PAN3: variants seen among roughly 807,000 people sequenced by gnomAD.
The protein encoded by PAN3 is poly(A) specific ribonuclease subunit PAN3.
A neutral mutation model predicts 96.2 loss-of-function variants in PAN3; 19 were observed. The ratio of observed to expected loss-of-function variants is 0.20; its 90% CI spans 0.14 to 0.29. The LOEUF is 0.29. Ranked by LOEUF, PAN3 falls within the 10% of genes least tolerant of loss-of-function variation. The probability of loss-of-function intolerance (pLI) is 1.00; values close to 1 mark genes in which losing one functional copy is unlikely to be tolerated. For missense variants in PAN3, 882 were observed against 1,108.1 expected (o/e 0.80, Z 2.90); for synonymous variants, 433 against 406.6 (o/e 1.06, Z -0.78).
intron 1 of PAN3, among the ~76,000 whole-genome samples, chr13:28,150,543 A>G (rs1203326742): frequency 6.6e-6 from 1 of 151,664 alleles, no homozygotes; most frequent in Non-Finnish European, 1.5e-5. Flanking sequence ...AGGCTGAGGC[A>G]GGAGAATGGC....
intron 1 of PAN3, among the ~76,000 whole-genome samples, chr13:28,161,175 T>C (rs1284154809): frequency 6.6e-6 from 1 of 152,226 alleles, no homozygotes; most frequent in Non-Finnish European, 1.5e-5. Flanking sequence ...TCTTTTATTA[T>C]GTGGCTCTAT....
intron 4 of PAN3, among the ~76,000 whole-genome samples, chr13:28,188,612 G>GA (rs1876804223): frequency 6.6e-6 from 1 of 151,854 alleles, no homozygotes; most frequent in Non-Finnish European, 1.5e-5. Context: ...AAAAGAAAAA[G>GA]AAAAAAATTA....
At chr13:28,159,951 A>G (rs1279465152) in intron 1 of PAN3, among the ~76,000 whole-genome samples, 2 of 149,608 alleles carry the variant, frequency 1.3e-5, no homozygotes, top group South Asian at 2.1e-4. Flanking sequence ...TTTATTTTTT[A>G]TTTTTGAGAC....
intron 5 of PAN3, among the ~76,000 whole-genome samples, chr13:28,210,433 ACTAGTAATTAGC>A (rs1879895313): frequency 6.6e-6 from 1 of 152,188 alleles, no homozygotes; most frequent in African/African-American, 2.4e-5. Context: ...TTTTGGAAAT[ACTAGTAATTAGC>A]TTTCTTCTGC....
At chr13:28,167,952 A>G (rs757362704) in intron 1 of PAN3, among the ~76,000 whole-genome samples, 3 of 152,196 alleles carry the variant, frequency 2.0e-5, no homozygotes, top group Non-Finnish European at 4.4e-5. Flanking sequence ...TATCCTGTCA[A>G]ATATCCTAGT....
intron 18 of PAN3, among the ~76,000 whole-genome samples, chr13:28,290,678 G>T (rs1869645426): frequency 6.6e-6 from 1 of 151,794 alleles, no homozygotes; most frequent in Non-Finnish European, 1.5e-5. Flanking sequence ...GCAAAACTCT[G>T]TATCAAAAAA....
chr13:28,239,852 A>G, intron 6 of PAN3: 1 of 359,138 alleles, frequency 2.8e-6, no homozygotes, highest in South Asian at 2.4e-5. Flanking sequence ...TTATTGTCAA[A>G]CTTCTTTAAA....
intron 1 of PAN3, among the ~76,000 whole-genome samples, chr13:28,159,993 A>G (rs1287677086): frequency 6.6e-6 from 1 of 151,736 alleles, no homozygotes; most frequent in Non-Finnish European, 1.5e-5. Context: ...GCTAGAGTGC[A>G]GTAGTGTGAT....
At chr13:28,228,389 C>T (rs1485551455) in intron 6 of PAN3, among the ~76,000 whole-genome samples, 2 of 151,922 alleles carry the variant, frequency 1.3e-5, no homozygotes, top group Non-Finnish European at 2.9e-5. Context: ...TTTTCAAACC[C>T]CCAATGCATA....
chr13:28,169,259 C>A (rs1271484304), intron 1 of PAN3, among the ~76,000 whole-genome samples: 5 of 104,592 alleles, frequency 4.8e-5, no homozygotes, highest in African/African-American at 1.9e-4. Flanking sequence ...GATGGAGTCT[C>A]GCTCTTGTTG....
intron 1 of PAN3, among the ~76,000 whole-genome samples, chr13:28,150,483 G>A (rs956043717): frequency 6.6e-6 from 1 of 151,818 alleles, no homozygotes; most frequent in Non-Finnish European, 1.5e-5. Flanking sequence ...AAATTAGCCA[G>A]GCGTGGTGGC....
intron 1 of PAN3, among the ~76,000 whole-genome samples, chr13:28,142,467 T>G (rs1027930446): frequency 2.6e-5 from 4 of 151,664 alleles, no homozygotes; most frequent in African/African-American, 9.7e-5. Flanking sequence ...ACATCTGGCC[T>G]TCATTGGTTA....
chr13:28,230,065 T>C (rs1882381758), intron 6 of PAN3, among the ~76,000 whole-genome samples: 1 of 151,930 alleles, frequency 6.6e-6, no homozygotes, highest in Admixed American at 6.6e-5. Flanking sequence ...TTTTTTTTTT[T>C]CTTTTTTTTT....
In PAN3 at chr13:28,146,088, C is replaced by T. The variant is rs143618286; in HGVS notation, c.430+7001C>T. On this transcript the variant is annotated intron_variant, in intron 1 of 18. Coordinates refer to ENST00000380958, the MANE Select transcript of PAN3 (RefSeq NM_175854.8). Reference sequence around the variant, plus strand: ...CAGTTTTTACATGATGAAAGGTACACTTTTTTGGTAAAAATTTACATTGGA... The same window carrying T: ...CAGTTTTTACATGATGAAAGGTACATTTTTTTGGTAAAAATTTACATTGGA... Among the ~76,000 whole-genome samples the T allele has an allele frequency of 6.8e-3, 1,038 of 151,966 alleles. 11 individuals carry two copies. The highest frequency in any genetic ancestry group is 0.024 in the African/African-American group (1,002 of 41,462).
At chr13:28,267,435 C>G (rs1886271732) in intron 12 of PAN3, 34 bp downstream of exon 12, 2 of 1,521,632 alleles carry the variant, frequency 1.3e-6, no homozygotes, top group Non-Finnish European at 1.8e-6. Context: ...TATATTTTGA[C>G]TAATGCTTTT....
At chr13:28,246,763 T>C (rs945460715) in intron 6 of PAN3, among the ~76,000 whole-genome samples, 1 of 152,196 alleles carries the variant, frequency 6.6e-6, no homozygotes, top group Non-Finnish European at 1.5e-5. Flanking sequence ...GGATGTCATT[T>C]TTTTTATGAC....
At chr13:28,246,404 G>T (rs1268704863) in intron 6 of PAN3, among the ~76,000 whole-genome samples, 1 of 151,846 alleles carries the variant, frequency 6.6e-6, no homozygotes, top group East Asian at 1.9e-4. Context: ...AGAGAAATTG[G>T]GATAGCCATT....
chr13:28,147,991 T>C (rs1005059499), intron 1 of PAN3, among the ~76,000 whole-genome samples: 1 of 152,188 alleles, frequency 6.6e-6, no homozygotes, highest in Admixed American at 6.6e-5. Flanking sequence ...AGTCTTGCTC[T>C]GTTTCCCATG....
intron 14 of PAN3, among the ~76,000 whole-genome samples, chr13:28,272,885 G>A (rs192644889): frequency 6.6e-6 from 1 of 152,286 alleles, no homozygotes; most frequent in African/African-American, 2.4e-5. Context: ...TAACGTCAGA[G>A]ACTCTTAACT....
Sources: allele counts gnomAD v4.1 joint callset (sites outside exome capture counted in the v4.1 genomes callset), GRCh38; gene constraint gnomAD v4.1.1; transcripts MANE v1.5; gene names NCBI Gene and HGNC (gene_info 2026-07-23, HGNC 2026-07-21).